TOP6BL: variants seen among roughly 807,000 people sequenced by gnomAD.
TOP6BL encodes type 2 DNA topoisomerase 6 subunit B-like.
At chr11:66,797,550 G>A in the TOP6BL span, among the ~76,000 whole-genome samples, 12 of 151,388 alleles carry the variant, frequency 7.9e-5, no homozygotes, top group Non-Finnish European at 1.5e-4. Context: ...TGTCACCCAC[G>A]CTGGAGTGCA....
At chr11:66,838,552 CCTT>C in the TOP6BL span, 5 of 1,021,888 alleles carry the variant, frequency 4.9e-6, no homozygotes, top group East Asian at 1.1e-4. Context: ...ACAGCGGCGT[CCTT>C]CTGCAATTTA....
chr11:66,795,302 CTTT>C, the TOP6BL span, among the ~76,000 whole-genome samples: 4 of 136,660 alleles, frequency 2.9e-5, no homozygotes, highest in Non-Finnish European at 4.8e-5. Flanking sequence ...TTCTTTCCTT[CTTT>C]TTTTTTTTTT....
At chr11:66,842,861 A>T in the TOP6BL span, 1 of 1,570,470 alleles carries the variant, frequency 6.4e-7, no homozygotes, top group Non-Finnish European at 8.6e-7. Context: ...ACCAGCGGGC[A>T]AGCAGAAAAC....
At chr11:66,799,483 A>G in the TOP6BL span, among the ~76,000 whole-genome samples, 3 of 151,444 alleles carry the variant, frequency 2.0e-5, no homozygotes, top group Non-Finnish European at 2.9e-5. Context: ...AGGTGGGTGG[A>G]TCACTCACTT....
At chr11:66,814,148 C>A in the TOP6BL span, 5 of 977,312 alleles carry the variant, frequency 5.1e-6, no homozygotes, top group South Asian at 5.3e-5. Flanking sequence ...GTTTGGGGGT[C>A]AGGGTCTGGC....
the TOP6BL span, chr11:66,748,288 T>TA: frequency 2.9e-5 from 30 of 1,026,226 alleles, no homozygotes; most frequent in African/African-American, 4.8e-4. Context: ...GGGGGGAAAT[T>TA]AGAGTTACTA....
the TOP6BL span, among the ~76,000 whole-genome samples, chr11:66,770,927 T>C: frequency 6.6e-6 from 1 of 152,236 alleles, no homozygotes; most frequent in Non-Finnish European, 1.5e-5. Flanking sequence ...TTTTCATTCT[T>C]ATTTCCAAGC....
the TOP6BL span, among the ~76,000 whole-genome samples, chr11:66,749,222 G>A: frequency 1.3e-5 from 2 of 152,132 alleles, no homozygotes; most frequent in East Asian, 3.8e-4. Flanking sequence ...TTGTCTTTGT[G>A]TATTAATATT....
chr11:66,804,152 G>T, the TOP6BL span: 8 of 1,613,292 alleles, frequency 5.0e-6, no homozygotes, highest in Admixed American at 6.7e-5. Flanking sequence ...CAGCCCAAAG[G>T]TTTCTTCCAA....
the TOP6BL span, chr11:66,748,537 A>G: frequency 4.7e-6 from 7 of 1,502,510 alleles, no homozygotes; most frequent in South Asian, 9.1e-5. Context: ...GAAAGAAAAA[A>G]TATTTTCTAT....
the TOP6BL span, chr11:66,843,445 G>A: frequency 2.1e-6 from 3 of 1,401,200 alleles, no homozygotes; most frequent in Non-Finnish European, 2.7e-6. Flanking sequence ...CGCGCCGCGG[G>A]TCAGGGCGCA....
chr11:66,792,583 C>G, the TOP6BL span, among the ~76,000 whole-genome samples: 2 of 152,190 alleles, frequency 1.3e-5, no homozygotes, highest in Non-Finnish European at 2.9e-5. Context: ...TTAGTCAGCT[C>G]TAGGTTTGAA....
chr11:66,843,463 C>G, the TOP6BL span: 1 of 1,410,992 alleles, frequency 7.1e-7, no homozygotes, highest in African/African-American at 1.5e-5. Context: ...GCAATGGCGG[C>G]GCTGGGCGGG....
chr11:66,837,006 A>T, the TOP6BL span, among the ~76,000 whole-genome samples: 11 of 151,926 alleles, frequency 7.2e-5, no homozygotes, highest in African/African-American at 2.7e-4. Context: ...GCCTATAAAT[A>T]AATTTTAAAA....
chr11:66,834,511 C>A, the TOP6BL span, among the ~76,000 whole-genome samples: 1 of 152,086 alleles, frequency 6.6e-6, no homozygotes, highest in Admixed American at 6.5e-5. Context: ...CATTCTGTTT[C>A]CATTTCTAAA....
chr11:66,772,794 A>G, the TOP6BL span, among the ~76,000 whole-genome samples: 66 of 152,270 alleles, frequency 4.3e-4, no homozygotes, highest in Non-Finnish European at 7.1e-4. Flanking sequence ...TTTTGCATCT[A>G]TGTTCACAAA....
At chr11:66,764,109 C>T in the TOP6BL span, among the ~76,000 whole-genome samples, 13 of 152,064 alleles carry the variant, frequency 8.5e-5, no homozygotes, top group African/African-American at 3.1e-4. Context: ...TATTCTATTG[C>T]CTCTTTAAGC....
the TOP6BL span, among the ~76,000 whole-genome samples, chr11:66,780,640 C>T: frequency 2.0e-5 from 3 of 152,014 alleles, no homozygotes; most frequent in Non-Finnish European, 2.9e-5. Flanking sequence ...AGTGCAGTGG[C>T]GTGATCTTGG....
the TOP6BL span, chr11:66,803,859 T>G: frequency 3.3e-6 from 2 of 606,692 alleles, no homozygotes; most frequent in East Asian, 5.9e-5. Context: ...CATAAGTTAT[T>G]TATTCCAACA....
Sources: allele counts gnomAD v4.1 joint callset (sites outside exome capture counted in the v4.1 genomes callset), GRCh38; gene constraint gnomAD v4.1.1; transcripts MANE v1.5; gene names NCBI Gene and HGNC (gene_info 2026-07-23, HGNC 2026-07-21).